The following BARHL1 variants were observed in gnomAD, a reference collection of about 807,000 sequenced individuals.
The protein encoded by BARHL1 is BarH like homeobox 1, also known as barH-like 1 homeobox protein.
BARHL1 carries 2 observed loss-of-function variants against 20.1 expected under a neutral mutation model. That is an observed-to-expected ratio of 0.10 (90% CI 0.04 to 0.31). The LOEUF (loss-of-function observed/expected upper bound fraction) is 0.31. Among genes scored for constraint, BARHL1 ranks in the 10% least tolerant of loss-of-function variants. BARHL1 has a pLI of 1.00. For missense variants in BARHL1, 397 were observed against 454.0 expected (o/e 0.87, Z 1.14); for synonymous variants, 213 against 209.9 (o/e 1.01, Z -0.13).
At chr9:132,584,183 GA>G (rs1277762192) in intron 1 of BARHL1, among the ~76,000 whole-genome samples, 3 of 150,350 alleles carry the variant, frequency 2.0e-5, no homozygotes, top group Non-Finnish European at 3.0e-5. Context: ...AAGGGAAGAA[GA>G]AAAAAAAAGA....
chr9:132,582,773 G>C lies in BARHL1; in HGVS notation c.-25G>C. The C allele has an allele frequency of 1.3e-6, 2 of 1,549,832 alleles. No homozygotes were observed. Among genetic ancestry groups the C allele is most frequent in the Non-Finnish European group, 1.8e-6 (2 of 1,140,400 alleles). On this transcript the variant is annotated 5_prime_UTR_variant, in exon 1 of 3. Transcript: ENST00000263610. The stretch of plus-strand genomic sequence containing the variant: ...GGTTGGGGGTGGGTGGGGAGCTTTT[G>C]GGGAGGACAGGTCGCAGCTTGGCTA...
intron 2 of BARHL1, among the ~76,000 whole-genome samples, 179 bp from the exon 3 acceptor site, chr9:132,589,049 A>G (rs1189662153): frequency 6.6e-6 from 1 of 152,174 alleles, no homozygotes; most frequent in East Asian, 1.9e-4. Context: ...GGTGGAAGAT[A>G]AAAGGAGAGG....
At chr9:132,589,086 T>A in intron 2 of BARHL1, 142 bp from the exon 3 acceptor site, 1 of 1,413,974 alleles carries the variant, frequency 7.1e-7, no homozygotes, top group African/African-American at 1.5e-5. Flanking sequence ...CGATGGTGCC[T>A]GGCACTCGGT....
At position 132,582,847 on chromosome 9, in the gene BARHL1, C is replaced by T. The variant is rs141976331; in HGVS notation, c.50C>T (p.Ala17Val). The T allele has an allele frequency of 2.3e-4, 369 of 1,608,734 alleles. 1 individual carries two copies. Among genetic ancestry groups the T allele is most frequent in the Non-Finnish European group, 2.7e-4 (319 of 1,177,182 alleles). Residue 17 changes from alanine to valine, a missense_variant, in exon 1 of 3, where the codon GCG (alanine) becomes GTG (valine). Transcript: ENST00000263610. ...FGIDSILSHR[A>V]GSPALPKGDP... The stretch of plus-strand genomic sequence containing the variant: ...ATCGACTCCATTCTCTCCCACCGCG[C>T]GGGCAGCCCCGCCCTTCCCAAGGGG...
At position 132,587,187 on chromosome 9, in the gene BARHL1, G is replaced by C. The variant is rs1350571285; in HGVS notation, c.467-142G>C. Reference sequence around the variant, plus strand: ...CTGTTCCCGGGGCCCCAGAGGTCCCGTCTGAGAGCGGCCCCCGCGAGCTTG... The same window carrying C: ...CTGTTCCCGGGGCCCCAGAGGTCCCCTCTGAGAGCGGCCCCCGCGAGCTTG... On this transcript the variant is annotated intron_variant, in intron 1 of 2. Transcript: ENST00000263610. The surrounding 1 kb of genome is among the most constrained non-coding windows in gnomAD (Gnocchi z 5.5). The C allele has an allele frequency of 1.9e-5, 16 of 827,092 alleles. No homozygotes were observed. The East Asian group carries it at 4.1e-4, about 21-fold the overall frequency. 51.2% of individuals were successfully genotyped at this position (827,092 alleles called of 1,614,324 possible).
In BARHL1 at chr9:132,582,894, C is replaced by T. The variant is rs1253855027; in HGVS notation, c.97C>T (p.Arg33Cys). ...GGGGGACCCCTTGCTCGGGGACTGC[C>T]GTTCGCCCCTGGAGCTGAGTCCACG... ...PKGDPLLGDC[R>C]SPLELSPRSE... Residue 33 changes from arginine to cysteine, a missense_variant, in exon 1 of 3, where the codon CGT becomes TGT. This residue lies in a region of BARHL1 where 272 missense variants were observed against 298.7 expected (regional missense o/e 0.91). Transcript: ENST00000263610. 2.5e-6 allele frequency: 4 copies of T among 1,613,174 alleles called. No homozygotes were observed. Among genetic ancestry groups the T allele is most frequent in the East Asian group, 2.2e-5 (1 of 44,890 alleles).
At chr9:132,584,142 G>GAAGT (rs1412692032) in intron 1 of BARHL1, among the ~76,000 whole-genome samples, 1 of 151,616 alleles carries the variant, frequency 6.6e-6, no homozygotes, top group Admixed American at 6.6e-5. Context: ...AGGAAGGAAG[G>GAAGT]AAGGAAGGAA....
intron 2 of BARHL1, 74 bp from the exon 3 acceptor site, chr9:132,589,154 A>G (rs1830179053): frequency 1.3e-6 from 2 of 1,526,316 alleles, no homozygotes; most frequent in Non-Finnish European, 1.8e-6. Flanking sequence ...CTCTGGGCCA[A>G]GCAGTGGGGA....
chr9:132,589,527 C>G lies in BARHL1; in HGVS notation c.*5C>G. On this transcript the variant is annotated 3_prime_UTR_variant, in exon 3 of 3. Transcript: ENST00000263610. ...CGCGCCGCGCAGCCTCGGTGAGGCG[C>G]CCGTCGGCTCCGGGGCCTCCTCCCG... The G allele has an allele frequency of 1.5e-6, 2 of 1,310,166 alleles. No homozygotes were observed. Among genetic ancestry groups the G allele is most frequent in the South Asian group, 5.0e-5 (2 of 40,010 alleles). The allele number at this position is 1,310,166 out of a possible 1,614,324, so 81.2% of individuals were successfully genotyped here.
At chr9:132,584,356 T>A (rs1469471848) in intron 1 of BARHL1, among the ~76,000 whole-genome samples, 1 of 152,134 alleles carries the variant, frequency 6.6e-6, no homozygotes, top group Non-Finnish European at 1.5e-5. Flanking sequence ...ATCTAGCAGA[T>A]CACTGGGAGT....
In BARHL1 at chr9:132,587,635, T is replaced by C. The variant is rs1830157872; in HGVS notation, c.689+84T>C. 1.5e-6 allele frequency: 2 copies of C among 1,371,682 alleles called. No individual in the cohort carries two copies. Among genetic ancestry groups the C allele is most frequent in the Admixed American group, 4.2e-5 (2 of 47,882 alleles). 85.0% of individuals were successfully genotyped at this position (1,371,682 alleles called of 1,614,324 possible). ...CTGGAGGGGACCAGGAGTCTACAGG[T>C]TGGTGCTAAGGGAGGGCCCCAGAGC... is the stretch of plus-strand genomic sequence containing the variant. On this transcript the variant is annotated intron_variant, in intron 2 of 2. Coordinates refer to ENST00000263610, the MANE Select transcript of BARHL1 (RefSeq NM_020064.4). The surrounding 1 kb of genome is among the most constrained non-coding windows in gnomAD (Gnocchi z 5.5).
Position 132,587,679 on chromosome 9 carries a change from G to A in BARHL1, c.689+128G>A. 1 of 906,738 alleles carries A rather than the reference G, an allele frequency of 1.1e-6. No homozygotes were observed. 56.2% of individuals were successfully genotyped at this position (906,738 alleles called of 1,614,324 possible). The stretch of plus-strand genomic sequence containing the variant: ...CCAGAGCCTCCCCCATTCTGTAAAA[G>A]TGGGAAACTGAGTCCCTAAGGGGAC... On this transcript the variant is annotated intron_variant, in intron 2 of 2. Coordinates refer to ENST00000263610, the MANE Select transcript of BARHL1 (RefSeq NM_020064.4). This position sits in a 1 kb window ranked among gnomAD's most constrained non-coding sequence, Gnocchi z 5.5.
In BARHL1 at chr9:132,583,015, G is replaced by T; in HGVS notation, c.218G>T (p.Gly73Val). 1 of 1,613,792 alleles carries T rather than the reference G, an allele frequency of 6.2e-7. No homozygotes were observed. The highest frequency in any genetic ancestry group is 2.2e-5 in the East Asian group (1 of 44,864). Residue 73 changes from glycine to valine, a missense_variant, in exon 1 of 3, where the codon GGT becomes GTT. Gly to Val is a moderately radical substitution (Grantham distance 109). Coordinates refer to ENST00000263610, the MANE Select transcript of BARHL1 (RefSeq NM_020064.4). ...TPRPGGASGP[G>V]LDSHLQPGQL... Reference sequence around the variant, plus strand: ...CGGCCTGGCGGGGCATCCGGCCCAGGTTTGGACTCCCACCTGCAGCCCGGG... The same window carrying T: ...CGGCCTGGCGGGGCATCCGGCCCAGTTTTGGACTCCCACCTGCAGCCCGGG...
chr9:132,584,971 A>G (rs1298993679), intron 1 of BARHL1, among the ~76,000 whole-genome samples: 2 of 152,260 alleles, frequency 1.3e-5, no homozygotes, highest in Non-Finnish European at 2.9e-5. Context: ...AGCAAAGAGC[A>G]CGAATCTTCC....
rs1830094737 is a variant in BARHL1, at chr9:132,583,238, C to T, written c.441C>T (p.Asn147=). The change falls in exon 1 of 3, where the codon AAC becomes AAT. Residue 147 remains asparagine (N), a synonymous_variant. Transcript: ENST00000263610. ...FRDKLDKSGS[N]ASSDSEYKVK... ...ACAAGCTGGACAAAAGTGGCAGCAA[C>T]GCCTCATCGGACTCTGAGTATAAAG... The T allele has an allele frequency of 1.9e-6, 3 of 1,612,032 alleles. No individual in the cohort carries two copies. The highest frequency in any genetic ancestry group is 1.7e-5 in the Admixed American group (1 of 59,842).
At chr9:132,586,653 A>C (rs1244260643) in intron 1 of BARHL1, among the ~76,000 whole-genome samples, 4 of 152,260 alleles carry the variant, frequency 2.6e-5, no homozygotes, top group Non-Finnish European at 5.9e-5. Context: ...AGCGAGTGGC[A>C]GGGTCGCTTA....
chr9:132,588,180 C>T (rs780257943), intron 2 of BARHL1, among the ~76,000 whole-genome samples: 28 of 152,166 alleles, frequency 1.8e-4, no homozygotes, highest in Non-Finnish European at 3.7e-4. Context: ...CGAACACACT[C>T]ACCAGACGTA....
chr9:132,588,870 C>T (rs571879023), intron 2 of BARHL1, among the ~76,000 whole-genome samples: 21 of 152,276 alleles, frequency 1.4e-4, no homozygotes, highest in Admixed American at 1.2e-3. Flanking sequence ...AGGAGCACCC[C>T]CTACCCAGCT....
rs1297463928 is a variant in BARHL1, at chr9:132,589,737, C to G, written c.*215C>G. On this transcript the variant is annotated 3_prime_UTR_variant, in exon 3 of 3. Transcript: ENST00000263610. ...TCCCCAGCCCCCCTCGGCGTCCTCT[C>G]TCGCGGCCGCTCTGTCCGGGAGCCA... 1.8e-6 allele frequency: 1 copy of G among 568,330 alleles called. No individual in the cohort carries two copies. Among genetic ancestry groups the G allele is most frequent in the African/African-American group, 2.0e-5 (1 of 50,568 alleles). The allele number at this position is 568,330 out of a possible 1,614,324, so 35.2% of individuals were successfully genotyped here. A position where few individuals can be genotyped will look rare whatever the true frequency, so the allele number is the denominator to read the frequency against.
Sources: allele counts gnomAD v4.1 joint callset (sites outside exome capture counted in the v4.1 genomes callset), GRCh38; gene constraint gnomAD v4.1.1; regional missense constraint gnomAD v4.1.1; non-coding constraint Gnocchi (gnomAD v3.1); transcripts MANE v1.5; gene names NCBI Gene and HGNC (gene_info 2026-07-23, HGNC 2026-07-21).